HYCC2: variants seen among roughly 807,000 people sequenced by gnomAD.
HYCC2 encodes hyccin PI4KA lipid kinase complex subunit 2, also known as hyccin 2.
chr2:201,061,858 C>A, the HYCC2 span, among the ~76,000 whole-genome samples: 1 of 152,114 alleles, frequency 6.6e-6, no homozygotes, highest in Admixed American at 6.5e-5. Context: ...GTAATCACAG[C>A]ACTTTGGGAG....
At chr2:201,043,371 T>C in the HYCC2 span, among the ~76,000 whole-genome samples, 1 of 149,896 alleles carries the variant, frequency 6.7e-6, no homozygotes, top group Non-Finnish European at 1.5e-5. Context: ...CCTCCACTAT[T>C]GTCCTATGAC....
chr2:200,983,189 T>G, the HYCC2 span, among the ~76,000 whole-genome samples: 58 of 152,354 alleles, frequency 3.8e-4, no homozygotes, highest in African/African-American at 1.4e-3. Flanking sequence ...AGTAATACAT[T>G]TGCTTCTTTC....
chr2:201,058,300 T>C, the HYCC2 span, among the ~76,000 whole-genome samples: 7 of 152,156 alleles, frequency 4.6e-5, no homozygotes, highest in Non-Finnish European at 8.8e-5. Flanking sequence ...AAGAAGAAAA[T>C]TGTATCACTT....
At chr2:200,993,624 T>C in the HYCC2 span, among the ~76,000 whole-genome samples, 1 of 152,162 alleles carries the variant, frequency 6.6e-6, no homozygotes, top group Non-Finnish European at 1.5e-5. Flanking sequence ...TTGGGAAATT[T>C]TTTTTTAATT....
At chr2:201,050,270 G>A in the HYCC2 span, among the ~76,000 whole-genome samples, 7 of 148,124 alleles carry the variant, frequency 4.7e-5, no homozygotes, top group African/African-American at 1.2e-4. Context: ...AGTATAAAAC[G>A]GACACATTTC....
At chr2:201,052,656 T>C in the HYCC2 span, among the ~76,000 whole-genome samples, 3 of 152,148 alleles carry the variant, frequency 2.0e-5, no homozygotes, top group African/African-American at 4.8e-5. Flanking sequence ...ACAGTTTTCA[T>C]TACACTGGGC....
the HYCC2 span, chr2:200,988,464 G>A: frequency 4.6e-6 from 7 of 1,512,442 alleles, no homozygotes; most frequent in Non-Finnish European, 5.4e-6. Flanking sequence ...CAATCAATAT[G>A]CAGTTTTTGT....
the HYCC2 span, chr2:201,017,210 T>G: frequency 1.9e-5 from 29 of 1,534,740 alleles, no homozygotes; most frequent in African/African-American, 4.2e-5. Flanking sequence ...TTCAATTCTT[T>G]TGGTTGTAAC....
chr2:201,060,301 T>G, the HYCC2 span, among the ~76,000 whole-genome samples: 1 of 152,228 alleles, frequency 6.6e-6, no homozygotes, highest in Non-Finnish European at 1.5e-5. Flanking sequence ...CCACTCTCAC[T>G]AATCTAGTTT....
At chr2:201,047,137 C>G in the HYCC2 span, among the ~76,000 whole-genome samples, 1 of 151,840 alleles carries the variant, frequency 6.6e-6, no homozygotes, top group Non-Finnish European at 1.5e-5. Flanking sequence ...ACTCTAGAAC[C>G]GAAAAATACA....
the HYCC2 span, chr2:201,011,278 A>G: frequency 1.8e-6 from 1 of 561,934 alleles, no homozygotes; most frequent in South Asian, 3.1e-5. Flanking sequence ...ATCCACTTTT[A>G]AGAAGCAAAT....
chr2:200,982,006 A>C, the HYCC2 span: 182 of 831,412 alleles, frequency 2.2e-4, no homozygotes, highest in African/African-American at 2.9e-3. Context: ...CACTTCCCCT[A>C]AATAATTTAG....
the HYCC2 span, among the ~76,000 whole-genome samples, chr2:201,014,002 A>G: frequency 5.9e-5 from 9 of 152,222 alleles, no homozygotes; most frequent in Admixed American, 6.5e-5. Context: ...GGAAGAACAC[A>G]GACATCGAGG....
At chr2:201,002,269 C>T in the HYCC2 span, among the ~76,000 whole-genome samples, 1 of 147,186 alleles carries the variant, frequency 6.8e-6, no homozygotes, top group Non-Finnish European at 1.5e-5. Flanking sequence ...CAAACCTCTC[C>T]CACCAATCAG....
the HYCC2 span, chr2:201,063,858 G>A: frequency 2.5e-6 from 4 of 1,592,136 alleles, no homozygotes; most frequent in African/African-American, 2.7e-5. Flanking sequence ...TTTGGAGGTG[G>A]TGGAAGCTAC....
At chr2:201,011,619 A>C in the HYCC2 span, 1 of 501,860 alleles carries the variant, frequency 2.0e-6, no homozygotes, top group Non-Finnish European at 3.5e-6. Flanking sequence ...ACCCTAGTTT[A>C]TCTTTTCTAA....
chr2:201,052,569 C>T, the HYCC2 span, among the ~76,000 whole-genome samples: 1 of 152,274 alleles, frequency 6.6e-6, no homozygotes. Context: ...GACTGTGCCA[C>T]TGCACTGCAG....
the HYCC2 span, among the ~76,000 whole-genome samples, chr2:201,062,819 A>C: frequency 6.7e-6 from 1 of 148,892 alleles, no homozygotes; most frequent in Non-Finnish European, 1.5e-5. Flanking sequence ...CCCTGTCTCC[A>C]AAAATAATAA....
the HYCC2 span, among the ~76,000 whole-genome samples, chr2:201,006,652 T>C: frequency 1.3e-5 from 2 of 152,242 alleles, no homozygotes; most frequent in East Asian, 1.9e-4. Flanking sequence ...GGGAGATATT[T>C]TGGTCATATA....
Sources: allele counts gnomAD v4.1 joint callset (sites outside exome capture counted in the v4.1 genomes callset), GRCh38; gene constraint gnomAD v4.1.1; transcripts MANE v1.5; gene names NCBI Gene and HGNC (gene_info 2026-07-23, HGNC 2026-07-21).